Variants in THADA observed in about 807,000 individuals in gnomAD.
THADA encodes the protein THADA armadillo repeat containing, also known as tRNA (32-2'-O)-methyltransferase regulator THADA.
A neutral mutation model predicts 219.8 loss-of-function variants in THADA; 213 were observed. The ratio of observed to expected loss-of-function variants is 0.97; its 90% CI spans 0.87 to 1.09. The LOEUF is 1.09. Ranked by LOEUF, THADA falls within the 50% of genes least tolerant of loss-of-function variation. THADA has a pLI of 0.00. For missense variants in THADA, 2,956 were observed against 2,311.3 expected, an observed-to-expected ratio of 1.28 and a Z score of -5.72; for synonymous variants, 1,018 against 828.9, an observed-to-expected ratio of 1.23 and a Z score of -3.92.
At chr2:43,518,329 G>A (rs533858498) in intron 22 of THADA, among the ~76,000 whole-genome samples, 2 of 152,284 alleles carry the variant, frequency 1.3e-5, no homozygotes, top group East Asian at 1.9e-4. Context: ...CCAATGAGAA[G>A]TGCCACTGTT....
intron 30 of THADA, among the ~76,000 whole-genome samples, chr2:43,338,790 G>C (rs1205784537): frequency 6.6e-6 from 1 of 152,108 alleles, no homozygotes; most frequent in East Asian, 1.9e-4. Flanking sequence ...CTGTTTCCAT[G>C]TTTTAGCTAT....
chr2:43,510,366 A>G (rs1371342966), intron 22 of THADA, among the ~76,000 whole-genome samples: 2 of 152,184 alleles, frequency 1.3e-5, no homozygotes, highest in African/African-American at 2.4e-5. Context: ...TGTGATATAC[A>G]TATACACAAA....
At chr2:43,455,494 A>T (rs1293990238) in intron 26 of THADA, among the ~76,000 whole-genome samples, 1 of 148,016 alleles carries the variant, frequency 6.8e-6, no homozygotes, top group African/African-American at 2.6e-5. Flanking sequence ...TTGCATAAGC[A>T]CGTGCTCTCG....
intron 36 of THADA, among the ~76,000 whole-genome samples, chr2:43,265,751 C>T (rs533136872): frequency 1.3e-5 from 2 of 152,190 alleles, no homozygotes; most frequent in African/African-American, 2.4e-5. Flanking sequence ...AAACACAAAC[C>T]GAATCTCTTC....
At chr2:43,480,921 G>A (rs1390714758) in intron 26 of THADA, among the ~76,000 whole-genome samples, 1 of 152,076 alleles carries the variant, frequency 6.6e-6, no homozygotes, top group Non-Finnish European at 1.5e-5. Flanking sequence ...AAGTTACTAT[G>A]TAGTTCGAAG....
At chr2:43,387,581 G>C (rs1190683411) in intron 29 of THADA, among the ~76,000 whole-genome samples, 1 of 151,110 alleles carries the variant, frequency 6.6e-6, no homozygotes, top group Non-Finnish European at 1.5e-5. Context: ...ATCACACCTT[G>C]TCCCACAGGA....
At chr2:43,571,913 C>A in intron 12 of THADA, 51 bp from the exon 13 acceptor site, 9 of 1,571,030 alleles carry the variant, frequency 5.7e-6, no homozygotes, top group Non-Finnish European at 7.0e-6. Flanking sequence ...ATAAGCAAAG[C>A]CTAAATCACT....
chr2:43,365,709 G>T (rs1406296454), intron 29 of THADA, among the ~76,000 whole-genome samples: 1 of 151,976 alleles, frequency 6.6e-6, no homozygotes, highest in South Asian at 2.1e-4. Flanking sequence ...AGAAGTAGAT[G>T]ATACCAGTAG....
intron 26 of THADA, among the ~76,000 whole-genome samples, chr2:43,470,207 CAAAAAAA>C (rs67659070): frequency 2.5e-5 from 2 of 80,706 alleles, no homozygotes; most frequent in African/African-American, 3.9e-5. Context: ...GACCTTGTCT[CAAAAAAA>C]AAAAAAAAAA....
chr2:43,352,550 T>TA (rs1014355924), intron 29 of THADA, among the ~76,000 whole-genome samples: 22 of 148,224 alleles, frequency 1.5e-4, no homozygotes, highest in Non-Finnish European at 2.4e-4. Flanking sequence ...AGAGTGAGAC[T>TA]AAAAAAAAAA....
At chr2:43,264,013 G>A (rs992451210) in intron 36 of THADA, among the ~76,000 whole-genome samples, 1 of 152,028 alleles carries the variant, frequency 6.6e-6, no homozygotes. Context: ...AGTTCCCTGA[G>A]ACTGAAATTA....
At chr2:43,589,692 G>A (rs937341907) in intron 4 of THADA, among the ~76,000 whole-genome samples, 1 of 152,188 alleles carries the variant, frequency 6.6e-6, no homozygotes, top group African/African-American at 2.4e-5. Context: ...GAAAGGGTGG[G>A]AAGGGGGTGA....
Position 43,550,318 on chromosome 2 carries a change from C to T in THADA, c.2948-950G>A, listed in dbSNP as rs184662709. 2.9e-3 allele frequency among the ~76,000 whole-genome samples: 447 copies of T among 152,236 alleles called. 7 individuals carry two copies. The highest frequency in any genetic ancestry group is 0.017 in the Middle Eastern group (5 of 294). ...TTAGGTACTATGGGAAATACAAACA[C>T]GCAAATTACTATCATGATGATTCAA... On this transcript the variant is annotated intron_variant, in intron 19 of 37. Coordinates refer to ENST00000405975, the MANE Select transcript of THADA (RefSeq NM_022065.5).
intron 35 of THADA, among the ~76,000 whole-genome samples, chr2:43,284,241 T>G (rs1374619398): frequency 6.6e-6 from 1 of 152,014 alleles, no homozygotes; most frequent in Non-Finnish European, 1.5e-5. Flanking sequence ...TCCAGGGCAT[T>G]TCAGAGACCT....
chr2:43,251,587 G>C (rs939377760), intron 36 of THADA, among the ~76,000 whole-genome samples: 1 of 152,238 alleles, frequency 6.6e-6, no homozygotes, highest in Non-Finnish European at 1.5e-5. Context: ...CTAAGGTACT[G>C]TGGGACTGTG....
chr2:43,536,752 T>C (rs1033699732), intron 21 of THADA, among the ~76,000 whole-genome samples: 2 of 152,160 alleles, frequency 1.3e-5, no homozygotes, highest in South Asian at 2.1e-4. Context: ...ACCCTTTATC[T>C]AGAGAAGGTA....
chr2:43,303,925 T>C lies in THADA; in HGVS notation c.4439-10712A>G, dbSNP rs142724200. Among the ~76,000 whole-genome samples, 30 of 152,272 alleles carry C rather than the reference T, an allele frequency of 2.0e-4. 1 individual carries two copies. In the East Asian group the frequency reaches 5.6e-3, roughly 28 times the overall value. ...CCCAAAAGTTACATTTCCTAACAAA[T>C]TCCCAGGTAATGCTGATGCTGCTGG... On this transcript the variant is annotated intron_variant, in intron 31 of 37. Transcript: ENST00000405975.
chr2:43,394,540 C>A (rs1673793745), intron 29 of THADA, among the ~76,000 whole-genome samples: 1 of 152,094 alleles, frequency 6.6e-6, no homozygotes, highest in Non-Finnish European at 1.5e-5. Context: ...TGGAGATGAC[C>A]ATTCCTTTCA....
At chr2:43,311,934 C>T (rs1437628003) in intron 31 of THADA, among the ~76,000 whole-genome samples, 1 of 152,232 alleles carries the variant, frequency 6.6e-6, no homozygotes, top group African/African-American at 2.4e-5. Context: ...CATGGTGGCT[C>T]ATGCCTGTAA....
Sources: gnomAD v4.1 joint callset for allele counts (sites outside exome capture counted in the v4.1 genomes callset) on GRCh38, gnomAD v4.1.1 for gene constraint, MANE v1.5 for transcripts, NCBI Gene and HGNC (gene_info 2026-07-23, HGNC 2026-07-21) for gene names.